UNC13C: variants seen among roughly 807,000 people sequenced by gnomAD.
UNC13C encodes protein unc-13 homolog C.
A neutral mutation model predicts 245.4 loss-of-function variants in UNC13C; 174 were observed. The observed-to-expected ratio is 0.71, with a 90% CI of 0.63 to 0.80. The LOEUF (loss-of-function observed/expected upper bound fraction) is 0.80. Ranked by LOEUF, UNC13C falls within the 30% of genes least tolerant of loss-of-function variation. The pLI, the probability that UNC13C is intolerant of heterozygous loss-of-function variation, is 0.00. For missense variants in UNC13C, 2,829 were observed against 2,602.9 expected (o/e 1.09, Z -1.89); for synonymous variants, 992 against 895.1 (o/e 1.11, Z -1.93).
intron 2 of UNC13C, among the ~76,000 whole-genome samples, chr15:54,125,178 C>A (rs758211009): frequency 1.3e-5 from 2 of 151,824 alleles, no homozygotes; most frequent in Admixed American, 6.6e-5. Context: ...AAAAATAATT[C>A]TAGGGCCGGG....
intron 17 of UNC13C, among the ~76,000 whole-genome samples, chr15:54,354,409 G>A (rs948130420): frequency 6.6e-6 from 1 of 152,118 alleles, no homozygotes; most frequent in East Asian, 1.9e-4. Context: ...TACTGATTCT[G>A]TTAGCCTTAT....
At chr15:54,626,209 G>GTTGT (rs1901132150) in intron 32 of UNC13C, among the ~76,000 whole-genome samples, 1 of 152,102 alleles carries the variant, frequency 6.6e-6, no homozygotes, top group African/African-American at 2.4e-5. Context: ...GTCTTAGGTG[G>GTTGT]TTGTTAGGAG....
At chr15:54,167,571 G>A (rs1258395224) in intron 4 of UNC13C, among the ~76,000 whole-genome samples, 4 of 107,466 alleles carry the variant, frequency 3.7e-5, no homozygotes, top group Non-Finnish European at 7.3e-5. Flanking sequence ...TAGAATGAGT[G>A]AAATGAGTGA....
At chr15:54,349,157 A>G (rs2038925226) in intron 17 of UNC13C, among the ~76,000 whole-genome samples, 2 of 149,422 alleles carry the variant, frequency 1.3e-5, no homozygotes, top group Admixed American at 6.7e-5. Context: ...TATAAAATGT[A>G]TAGAATAAAT....
At chr15:54,536,874 A>G (rs938430559) in intron 26 of UNC13C, among the ~76,000 whole-genome samples, 25 of 152,266 alleles carry the variant, frequency 1.6e-4, no homozygotes, top group African/African-American at 6.0e-4. Flanking sequence ...AACCAACATC[A>G]TACTGAATGG....
chr15:54,268,867 C>T (rs553882469), intron 10 of UNC13C, among the ~76,000 whole-genome samples: 3 of 152,088 alleles, frequency 2.0e-5, no homozygotes, highest in Non-Finnish European at 2.9e-5. Flanking sequence ...CTTATCATTA[C>T]TCAACTCATT....
rs549464341 is a variant in UNC13C at position 54,315,361 on chromosome 15, T to A, written c.4269-6578T>A. Among the ~76,000 whole-genome samples, 826 of 151,842 alleles carry A rather than the reference T, an allele frequency of 5.4e-3. 4 individuals carry two copies. The highest frequency in any genetic ancestry group is 8.7e-3 in the Non-Finnish European group (588 of 67,838). ...ATTTGTCAAGTCAAATAACTTCTTTTCTGTCCTATTTTATAAGACTCTTAC... is the reference window on the plus strand; with the variant it reads ...ATTTGTCAAGTCAAATAACTTCTTTACTGTCCTATTTTATAAGACTCTTAC... On this transcript the variant is annotated intron_variant, in intron 13 of 32. Coordinates refer to ENST00000260323, the MANE Select transcript of UNC13C (RefSeq NM_001080534.3).
At chr15:54,364,338 T>A (rs2039309171) in intron 17 of UNC13C, among the ~76,000 whole-genome samples, 1 of 152,130 alleles carries the variant, frequency 6.6e-6, no homozygotes. Context: ...AATAGCTTAA[T>A]TTTTGAGATA....
chr15:54,568,451 G>C (rs759839570), intron 30 of UNC13C, among the ~76,000 whole-genome samples: 2 of 152,066 alleles, frequency 1.3e-5, no homozygotes, highest in Non-Finnish European at 2.9e-5. Context: ...AGGCCAAGAG[G>C]CAGGCTTGTT....
chr15:54,341,374 A>G (rs537678637), intron 17 of UNC13C, among the ~76,000 whole-genome samples: 6 of 152,176 alleles, frequency 3.9e-5, no homozygotes, highest in Non-Finnish European at 7.3e-5. Flanking sequence ...TAAATACTGC[A>G]TATTCTCACT....
At chr15:54,256,153 A>G (rs1210252548) in intron 8 of UNC13C, among the ~76,000 whole-genome samples, 1 of 152,184 alleles carries the variant, frequency 6.6e-6, no homozygotes, top group Non-Finnish European at 1.5e-5. Flanking sequence ...AACAGTTAAT[A>G]ATACTTGTCA....
At chr15:54,158,235 CCCTTT>C (rs1343083156) in intron 4 of UNC13C, among the ~76,000 whole-genome samples, 4 of 152,214 alleles carry the variant, frequency 2.6e-5, no homozygotes, top group African/African-American at 9.7e-5. Flanking sequence ...AGAGATTCTT[CCCTTT>C]CTAAAAACTT....
intron 4 of UNC13C, among the ~76,000 whole-genome samples, chr15:54,216,727 A>G (rs2035051009): frequency 6.6e-6 from 1 of 151,974 alleles, no homozygotes; most frequent in African/African-American, 2.4e-5. Context: ...GCGAGATGAA[A>G]GACATTAATA....
intron 17 of UNC13C, among the ~76,000 whole-genome samples, chr15:54,374,686 C>G (rs1315072708): frequency 6.6e-6 from 1 of 152,198 alleles, no homozygotes; most frequent in African/African-American, 2.4e-5. Flanking sequence ...TGCAGCTGCA[C>G]CCAGAGGGGC....
chr15:54,504,394 A>G (rs1520410), intron 22 of UNC13C, among the ~76,000 whole-genome samples: 23,419 of 152,116 alleles, frequency 0.15, 1,914 homozygotes, highest in Middle Eastern at 0.23. Flanking sequence ...CTTCACAACC[A>G]TCTAATTAAA....
rs367789188 is a variant in UNC13C at position 54,567,904 on chromosome 15, T to C, written c.6063T>C (p.Thr2021=). The C allele has an allele frequency of 3.5e-5, 55 of 1,587,340 alleles. No individual in the cohort carries two copies. In the African/African-American group the frequency reaches 6.7e-4, roughly 19 times the overall value. ...CTCTCAGTCTTTATACCCAAACTAC[T>C]GATGCCTTGATAAAGAAATTCATAG... ...RYALSLYTQT[T]DALIKKFIDT... Residue 2021 remains threonine (T), a synonymous_variant, in exon 30 of 33, where the codon ACT becomes ACC. Transcript: ENST00000260323.
At chr15:54,581,657 G>A (rs1229049215) in intron 30 of UNC13C, among the ~76,000 whole-genome samples, 1 of 152,130 alleles carries the variant, frequency 6.6e-6, no homozygotes, top group Non-Finnish European at 1.5e-5. Flanking sequence ...GCCACACTGG[G>A]GATTAGGACT....
intron 24 of UNC13C, among the ~76,000 whole-genome samples, chr15:54,516,862 A>G (rs1017478306): frequency 6.6e-6 from 1 of 150,912 alleles, no homozygotes; most frequent in Non-Finnish European, 1.5e-5. Flanking sequence ...TCTTATTTGT[A>G]CACCAGTCCT....
chr15:54,021,132 A>G (rs1315232651), intron 2 of UNC13C, among the ~76,000 whole-genome samples: 2 of 152,228 alleles, frequency 1.3e-5, no homozygotes, highest in African/African-American at 4.8e-5. Flanking sequence ...ACATTGTAGA[A>G]AGATTCAAAG....
Sources: allele counts gnomAD v4.1 joint callset (sites outside exome capture counted in the v4.1 genomes callset), GRCh38; gene constraint gnomAD v4.1.1; transcripts MANE v1.5; gene names NCBI Gene and HGNC (gene_info 2026-07-23, HGNC 2026-07-21).